CFAP20DC: variants seen among roughly 807,000 people sequenced by gnomAD.
The protein encoded by CFAP20DC is CFAP20 domain containing, also known as protein CFAP20DC.
Under a neutral mutation model 101.7 loss-of-function variants are expected in CFAP20DC, and 84 were observed. The ratio of observed to expected loss-of-function variants is 0.83; its 90% confidence interval spans 0.69 to 0.99. The LOEUF is 0.99. CFAP20DC is among the 50% of genes least tolerant of loss of function. The pLI is 0.00. For missense variants in CFAP20DC, 1,007 were observed against 970.3 expected (o/e 1.04, Z -0.50); for synonymous variants, 359 against 351.2 (o/e 1.02, Z -0.25).
intron 6 of CFAP20DC, among the ~76,000 whole-genome samples, chr3:58,910,858 T>C (rs1169383490): frequency 6.6e-6 from 1 of 152,022 alleles, no homozygotes; most frequent in African/African-American, 2.4e-5. Flanking sequence ...TAAGTTTTGA[T>C]ACCCAATGTC....
At chr3:58,879,863 T>C (rs1335694794) in intron 7 of CFAP20DC, among the ~76,000 whole-genome samples, 1 of 151,978 alleles carries the variant, frequency 6.6e-6, no homozygotes, top group African/African-American at 2.4e-5. Context: ...GATAACCGTA[T>C]ATTATGTATT....
At chr3:58,815,958 C>T (rs2075091944) in intron 14 of CFAP20DC, among the ~76,000 whole-genome samples, 1 of 151,566 alleles carries the variant, frequency 6.6e-6, no homozygotes, top group Non-Finnish European at 1.5e-5. Context: ...GTGGCGACTC[C>T]TCAGGGATCT....
At chr3:58,963,745 C>T (rs1381556721) in intron 4 of CFAP20DC, among the ~76,000 whole-genome samples, 1 of 151,950 alleles carries the variant, frequency 6.6e-6, no homozygotes, top group African/African-American at 2.4e-5. Flanking sequence ...AAAAATCATC[C>T]AAATCCTATG....
At chr3:58,785,090 T>C (rs1401143649) in intron 15 of CFAP20DC, among the ~76,000 whole-genome samples, 1 of 152,064 alleles carries the variant, frequency 6.6e-6, no homozygotes, top group Non-Finnish European at 1.5e-5. Context: ...AATATACTAT[T>C]GTTCTCTTTT....
At chr3:58,751,868 A>ACAC (rs1559541321) in intron 16 of CFAP20DC, among the ~76,000 whole-genome samples, 7 of 125,516 alleles carry the variant, frequency 5.6e-5, no homozygotes, top group African/African-American at 2.4e-4. Flanking sequence ...CACACACACA[A>ACAC]AATTTCCTCC....
At position 58,861,745 on chromosome 3, in the gene CFAP20DC, G is replaced by C. The variant is rs910349475; in HGVS notation, c.1593+1813C>G. 160 of 985,246 alleles carry C rather than the reference G, an allele frequency of 1.6e-4. No individual in the cohort carries two copies. Among genetic ancestry groups the C allele is most frequent in the Non-Finnish European group, 1.9e-4 (159 of 829,894 alleles). The allele number at this position is 985,246 out of a possible 1,614,324, so 61.0% of individuals were successfully genotyped here. ...TCTTAGTAGGCTCTGATTAAAGGGT[G>C]GTGAGTGCCAGTGTTGGCAATGGGA... On this transcript the variant is annotated intron_variant, in intron 12 of 16. Coordinates refer to ENST00000482387, the MANE Select transcript of CFAP20DC (RefSeq NM_001394063.1). This position sits in a 1 kb window ranked among gnomAD's most constrained non-coding sequence, Gnocchi z 4.0.
rs2084219898 is a variant in CFAP20DC, at chr3:58,912,153, T to C, written c.550+1555A>G. Among the ~76,000 whole-genome samples the C allele has an allele frequency of 6.6e-6, 1 of 152,126 alleles. No homozygotes were observed. Among genetic ancestry groups the C allele is most frequent in the Non-Finnish European group, 1.5e-5 (1 of 68,024 alleles). ...TCCTATATAGTAATTTCAGTGGAGC[T>C]TGAGGAAGGATCAGAGATTGAAACA... On this transcript the variant is annotated intron_variant, in intron 6 of 16. Transcript: ENST00000482387. The surrounding 1 kb of genome is among the most constrained non-coding windows in gnomAD (Gnocchi z 4.4).
At chr3:58,862,931 T>C (rs1471001059) in intron 12 of CFAP20DC, 12 of 972,330 alleles carry the variant, frequency 1.2e-5, no homozygotes, top group Non-Finnish European at 1.5e-5. Flanking sequence ...TATATTCAGT[T>C]TGATTTGAAA....
intron 4 of CFAP20DC, among the ~76,000 whole-genome samples, chr3:59,000,653 G>C (rs901385710): frequency 2.0e-5 from 3 of 152,084 alleles, no homozygotes; most frequent in Admixed American, 1.3e-4. Context: ...GGGAAGATTT[G>C]AGAGGTTGAA....
chr3:58,753,689 G>T, intron 16 of CFAP20DC, 80 bp downstream of exon 16: 3 of 918,866 alleles, frequency 3.3e-6, no homozygotes, highest in Non-Finnish European at 5.2e-6. Context: ...AAAAACAGTG[G>T]CATCTCAAAG....
intron 13 of CFAP20DC, among the ~76,000 whole-genome samples, chr3:58,835,521 T>G (rs2076676648): frequency 6.6e-6 from 1 of 152,184 alleles, no homozygotes; most frequent in South Asian, 2.1e-4. Context: ...CTGTAGAAAC[T>G]TACTGAGACC....
intron 4 of CFAP20DC, among the ~76,000 whole-genome samples, chr3:58,978,474 C>T (rs546941155): frequency 7.9e-5 from 12 of 152,068 alleles, no homozygotes; most frequent in South Asian, 4.2e-4. Context: ...TTTGGGAGGC[C>T]GAGTTGGGCA....
intron 13 of CFAP20DC, 147 bp downstream of exon 13, chr3:58,848,885 A>C: frequency 2.0e-6 from 2 of 1,005,968 alleles, no homozygotes; most frequent in Non-Finnish European, 2.8e-6. Flanking sequence ...GCTATTACCA[A>C]ACTAAAACAC....
chr3:58,907,359 G>A (rs773287671), intron 6 of CFAP20DC, among the ~76,000 whole-genome samples: 8 of 152,160 alleles, frequency 5.3e-5, no homozygotes, highest in Non-Finnish European at 8.8e-5. Context: ...AAGCTCATTA[G>A]TGAAGTTACC....
At chr3:58,942,783 G>C (rs948443483) in intron 4 of CFAP20DC, among the ~76,000 whole-genome samples, 1 of 152,168 alleles carries the variant, frequency 6.6e-6, no homozygotes, top group Admixed American at 6.5e-5. Flanking sequence ...CTTGCTCAGT[G>C]GATCCCACCC....
intron 13 of CFAP20DC, among the ~76,000 whole-genome samples, chr3:58,843,636 ACGTT>A (rs1303394823): frequency 1.3e-5 from 2 of 151,926 alleles, no homozygotes; most frequent in African/African-American, 2.4e-5. Context: ...AGGCAGGCCA[ACGTT>A]CAGATTCAGG....
In CFAP20DC at chr3:58,863,401, A is replaced by G. The variant is rs986968558; in HGVS notation, c.1593+157T>C. ...AAAAAAAAGACAGTTTAAAGTTACC[A>G]TAACAACCTGATGCAACTGTGGACT... is the stretch of plus-strand genomic sequence containing the variant. On this transcript the variant is annotated intron_variant, in intron 12 of 16. Coordinates refer to ENST00000482387, the MANE Select transcript of CFAP20DC (RefSeq NM_001394063.1). The surrounding 1 kb of genome is among the most constrained non-coding windows in gnomAD (Gnocchi z 5.9). The G allele has an allele frequency of 3.0e-5, 43 of 1,423,296 alleles. No homozygotes were observed. The Middle Eastern group carries it at 7.3e-4, about 24-fold the overall frequency. 88.2% of individuals were successfully genotyped at this position (1,423,296 alleles called of 1,614,324 possible).
intron 5 of CFAP20DC, among the ~76,000 whole-genome samples, chr3:58,920,229 C>T (rs1487755248): frequency 6.6e-6 from 1 of 151,702 alleles, no homozygotes; most frequent in African/African-American, 2.4e-5. Flanking sequence ...CAGCTGGGAC[C>T]ACAGCCATAA....
At position 58,849,061 on chromosome 3, in the gene CFAP20DC, C is replaced by T. The variant is rs1461456516; in HGVS notation, c.1942G>A (p.Glu648Lys). 4.6e-6 allele frequency: 7 copies of T among 1,535,760 alleles called. No homozygotes were observed. Among genetic ancestry groups the T allele is most frequent in the Non-Finnish European group, 6.1e-6 (7 of 1,146,828 alleles). Residue 648 changes from glutamate to lysine, a missense_variant, in exon 13 of 17, where the codon GAA (glutamate) becomes AAA (lysine). Glu to Lys is a moderately conservative substitution (Grantham distance 56). Coordinates refer to ENST00000482387, the MANE Select transcript of CFAP20DC (RefSeq NM_001394063.1). ...GCTTCGGGGATCGAGCTCAGCCTTT[C>T]CCCTGAGATTTCTTTCAGGGAGGTT... is the stretch of plus-strand genomic sequence containing the variant. ...NKTSLKEISGERLSSIPEASE... is the reference protein window; with the variant it reads ...NKTSLKEISGKRLSSIPEASE...
Sources: gnomAD v4.1 joint callset for allele counts (sites outside exome capture counted in the v4.1 genomes callset) on GRCh38, gnomAD v4.1.1 for gene constraint, Gnocchi (gnomAD v3.1) non-coding constraint, MANE v1.5 for transcripts, NCBI Gene and HGNC (gene_info 2026-07-23, HGNC 2026-07-21) for gene names.